The following CACNA1D variants were observed in gnomAD, a reference collection of about 807,000 sequenced individuals.
The protein encoded by CACNA1D is voltage-dependent L-type calcium channel subunit alpha-1D.
Under a neutral mutation model 257.1 loss-of-function variants are expected in CACNA1D, and 55 were observed. The ratio of observed to expected loss-of-function variants is 0.21; its 90% CI spans 0.17 to 0.27. The LOEUF (loss-of-function observed/expected upper bound fraction) is 0.27, where lower values mean the gene tolerates loss of function less well. CACNA1D is among the 10% of genes least tolerant of loss of function. CACNA1D has a pLI of 1.00. For synonymous variants in CACNA1D, 980 were observed against 1,014.9 expected (o/e 0.97, Z 0.65); for missense variants, 1,876 against 2,784.0 (o/e 0.67, Z 7.34).
intron 7 of CACNA1D, 72 bp from the exon 8 acceptor site, chr3:53,672,951 C>A: frequency 1.0e-6 from 1 of 955,948 alleles, no homozygotes; most frequent in Non-Finnish European, 1.6e-6. Context: ...AATGCTGTCT[C>A]TAATGTGACC....
chr3:53,804,502 G>A (rs2095552147), intron 44 of CACNA1D, among the ~76,000 whole-genome samples: 1 of 152,060 alleles, frequency 6.6e-6, no homozygotes, highest in African/African-American at 2.4e-5. Context: ...CCAACCCCCA[G>A]AAAAGAAAAC....
chr3:53,547,051 A>C (rs2092427826), intron 3 of CACNA1D, among the ~76,000 whole-genome samples: 1 of 152,228 alleles, frequency 6.6e-6, no homozygotes, highest in Non-Finnish European at 1.5e-5. Context: ...CATGCAAAAA[A>C]AGAGGCATTT....
intron 3 of CACNA1D, among the ~76,000 whole-genome samples, chr3:53,633,969 A>G (rs1319997909): frequency 1.3e-5 from 2 of 152,246 alleles, no homozygotes; most frequent in Non-Finnish European, 2.9e-5. Context: ...TTGTCTCACT[A>G]GGATGTTTTA....
At chr3:53,805,972 A>C (rs1314982171) in intron 45 of CACNA1D, among the ~76,000 whole-genome samples, 122 of 33,570 alleles carry the variant, frequency 3.6e-3, no homozygotes, top group Non-Finnish European at 4.1e-3. Flanking sequence ...TCCCTCCCTC[A>C]TCTTCCCTCC....
rs2095600927 is a variant in CACNA1D, at chr3:53,811,514, CAATT to C, written c.*114_*117del. The C allele has an allele frequency of 3.8e-5, 33 of 874,718 alleles. No homozygotes were observed. In the South Asian group the frequency reaches 6.4e-4, roughly 17 times the overall value. 54.2% of individuals were successfully genotyped at this position (874,718 alleles called of 1,614,324 possible). On this transcript the variant is annotated 3_prime_UTR_variant, in exon 48 of 48. Transcript: ENST00000350061. The surrounding 1 kb of genome is among the most constrained non-coding windows in gnomAD (Gnocchi z 4.2). ...TTAGGCACTAGTTGGGAGTAATATT[CAATT>C]AATTAGACTTTTGTATAAGAGATGT...
At position 53,673,138 on chromosome 3, in the gene CACNA1D, C is replaced by T; in HGVS notation, c.1220+12C>T. 4 of 1,513,884 alleles carry T rather than the reference C, an allele frequency of 2.6e-6. No individual in the cohort carries two copies. The highest frequency in any genetic ancestry group is 3.6e-6 in the Non-Finnish European group (4 of 1,112,552). The allele number at this position is 1,513,884 out of a possible 1,614,324, so 93.8% of individuals were successfully genotyped here. ...GGTGTATTGAGCGGGTAAGCTACAC[C>T]TCTTTCATCTTGAAAGCAGAGTCCT... is the stretch of plus-strand genomic sequence containing the variant. On this transcript the variant is annotated intron_variant, in intron 8 of 47. Coordinates refer to ENST00000350061, the MANE Select transcript of CACNA1D (RefSeq NM_001128840.3). The surrounding 1 kb of genome is among the most constrained non-coding windows in gnomAD (Gnocchi z 4.1).
rs773341387 is a variant in CACNA1D, at chr3:53,745,842, C to T, written c.3134C>T (p.Thr1045Met). Residue 1045 changes from threonine (T) to methionine (M), a missense_variant, in exon 25 of 48, where the codon ACG (threonine) becomes ATG (methionine). Around this residue, in one of 10 missense-constraint regions of CACNA1D, gnomAD observed 271 missense variants for 425.5 expected, o/e 0.64. Transcript: ENST00000350061. ...ACCCAGGGGAAGTTCTATCGCTGTA[C>T]GGATGAAGCCAAAAGTAACCCTGAA... ...QLFKGKFYRCTDEAKSNPEEC... is the reference protein window; with the variant it reads ...QLFKGKFYRCMDEAKSNPEEC... 3.5e-5 allele frequency: 57 copies of T among 1,613,710 alleles called. No individual in the cohort carries two copies. Among genetic ancestry groups the T allele is most frequent in the Non-Finnish European group, 4.7e-5 (56 of 1,179,586 alleles).
chr3:53,544,415 C>G (rs2107541430), intron 3 of CACNA1D, among the ~76,000 whole-genome samples: 1 of 152,004 alleles, frequency 6.6e-6, no homozygotes, highest in African/African-American at 2.4e-5. Flanking sequence ...GAGAAGGCTT[C>G]CTGAGACAGA....
At chr3:53,787,040 GAGC>G (rs2095457564) in intron 40 of CACNA1D, 88 bp downstream of exon 40, 2 of 1,375,392 alleles carry the variant, frequency 1.5e-6, no homozygotes, top group Non-Finnish European at 2.1e-6. Flanking sequence ...ATTCATGGTT[GAGC>G]AGTACCACAA....
rs1176574109 is a variant in CACNA1D at position 53,753,690 on chromosome 3, G to T, written c.3786+8G>T. On this transcript the variant is annotated splice_region_variant and intron_variant, in intron 29 of 47. Coordinates refer to ENST00000350061, the MANE Select transcript of CACNA1D (RefSeq NM_001128840.3). ...ATCGCATTTAAGCCTAAGGTGAGTTGCAGAACCCACTTTTCAAAGGTTGTT... is the reference window on the plus strand; with the variant it reads ...ATCGCATTTAAGCCTAAGGTGAGTTTCAGAACCCACTTTTCAAAGGTTGTT... 6.5e-7 allele frequency: 1 copy of T among 1,541,474 alleles called. No homozygotes were observed. Among genetic ancestry groups the T allele is most frequent in the East Asian group, 2.2e-5 (1 of 44,552 alleles).
intron 3 of CACNA1D, among the ~76,000 whole-genome samples, chr3:53,649,176 A>G (rs1292450979): frequency 6.6e-6 from 1 of 152,198 alleles, no homozygotes; most frequent in Non-Finnish European, 1.5e-5. Flanking sequence ...ATTTAAATGC[A>G]CAAGGGTGTT....
chr3:53,670,401 A>G (rs564694765), intron 7 of CACNA1D, among the ~76,000 whole-genome samples: 24 of 152,198 alleles, frequency 1.6e-4, no homozygotes, highest in African/African-American at 5.1e-4. Flanking sequence ...CTGGAGTGCA[A>G]TGGCGTGATC....
intron 8 of CACNA1D, among the ~76,000 whole-genome samples, chr3:53,674,553 G>A (rs148610379): frequency 6.6e-6 from 1 of 152,306 alleles, no homozygotes; most frequent in East Asian, 1.9e-4. Context: ...CATAAAGAGG[G>A]TGCAACAGAT....
intron 3 of CACNA1D, among the ~76,000 whole-genome samples, chr3:53,589,158 A>G (rs1389910544): frequency 6.6e-6 from 1 of 152,188 alleles, no homozygotes; most frequent in African/African-American, 2.4e-5. Context: ...GTATTTCATT[A>G]TTAATGTTGT....
intron 3 of CACNA1D, among the ~76,000 whole-genome samples, chr3:53,554,012 C>T (rs563798755): frequency 4.0e-5 from 6 of 151,812 alleles, no homozygotes; most frequent in Non-Finnish European, 7.4e-5. Flanking sequence ...CTGGCTAACA[C>T]AGTGAAACCC....
intron 40 of CACNA1D, chr3:53,796,434 AT>A (rs2095508093): frequency 2.2e-6 from 1 of 455,504 alleles, no homozygotes; most frequent in African/African-American, 2.0e-5. Flanking sequence ...GCACTTGTGC[AT>A]GCTTGCTGTG....
chr3:53,683,588 G>A (rs2094450600), intron 8 of CACNA1D, among the ~76,000 whole-genome samples: 1 of 152,188 alleles, frequency 6.6e-6, no homozygotes, highest in South Asian at 2.1e-4. Flanking sequence ...GGAGGGAAAA[G>A]TCGATAGAAA....
At chr3:53,804,962 G>A (rs1559719624) in intron 44 of CACNA1D, 21 bp from the exon 45 acceptor site, 1 of 1,612,878 alleles carries the variant, frequency 6.2e-7, no homozygotes, top group East Asian at 2.2e-5. Context: ...GAACCTTACT[G>A]CCCTCCTCTC....
intron 3 of CACNA1D, 131 bp downstream of exon 3, chr3:53,501,851 A>G (rs919465976): frequency 8.9e-6 from 6 of 672,466 alleles, no homozygotes; most frequent in Admixed American, 4.7e-5. Flanking sequence ...GAGCTTTGCA[A>G]CAGTGGTTTT....
Sources: gnomAD v4.1 joint callset for allele counts (sites outside exome capture counted in the v4.1 genomes callset) on GRCh38, gnomAD v4.1.1 for gene constraint, gnomAD v4.1.1 regional missense constraint, Gnocchi (gnomAD v3.1) non-coding constraint, MANE v1.5 for transcripts, NCBI Gene and HGNC (gene_info 2026-07-23, HGNC 2026-07-21) for gene names.